Variants in MAP3K7 observed in about 807,000 individuals in gnomAD.
The protein encoded by MAP3K7 is mitogen-activated protein kinase kinase kinase 7.
A neutral mutation model predicts 84.8 loss-of-function variants in MAP3K7; 21 were observed. That is an observed-to-expected ratio of 0.25 (90% CI 0.18 to 0.36). The LOEUF (loss-of-function observed/expected upper bound fraction) is 0.36. Ranked by LOEUF, MAP3K7 falls within the 10% of genes least tolerant of loss-of-function variation. The pLI, the probability that MAP3K7 is intolerant of heterozygous loss-of-function variation, is 1.00. For synonymous variants in MAP3K7, 241 were observed against 247.7 expected (o/e 0.97, Z 0.25); for missense variants, 503 against 747.7 (o/e 0.67, Z 3.82).
chr6:90,523,765 T>C lies in MAP3K7; in HGVS notation c.1375A>G (p.Ser459Gly). The change falls in exon 14 of 17, where the codon AGT becomes GGT. Residue 459 changes from serine to glycine, a missense_variant. By Grantham distance (56) the Ser-to-Gly change is moderately conservative. Coordinates refer to ENST00000369329, the MANE Select transcript of MAP3K7 (RefSeq NM_145331.3). ...EPGQVSSRSS[S>G]PSVRMITTSG... is the part of the protein sequence containing the mutation. ...GTAGTAATCATTCTGACACTGGGAC[T>C]GGATGACCTACTGCTCACCTACAGG... The C allele has an allele frequency of 6.2e-7, 1 of 1,607,298 alleles. No individual in the cohort carries two copies. The highest frequency in any genetic ancestry group is 8.5e-7 in the Non-Finnish European group (1 of 1,174,014).
At chr6:90,541,979 C>T (rs1046541206) in intron 12 of MAP3K7, among the ~76,000 whole-genome samples, 3 of 151,934 alleles carry the variant, frequency 2.0e-5, no homozygotes, top group Non-Finnish European at 4.4e-5. Flanking sequence ...AACTCTTATC[C>T]ATGTAAATAA....
intron 5 of MAP3K7, 56 bp from the exon 6 acceptor site, chr6:90,556,680 C>A: frequency 2.0e-6 from 3 of 1,495,620 alleles, no homozygotes; most frequent in South Asian, 1.3e-5. Context: ...TTTTATTCTA[C>A]AATAAAAGAA....
intron 13 of MAP3K7, among the ~76,000 whole-genome samples, chr6:90,535,631 A>G (rs1335620934): frequency 6.6e-6 from 1 of 152,078 alleles, no homozygotes; most frequent in Non-Finnish European, 1.5e-5. Flanking sequence ...CAGAAAAAAC[A>G]ATGACTGAGC....
chr6:90,531,375 AAC>A (rs1775499577), intron 13 of MAP3K7, among the ~76,000 whole-genome samples: 1 of 152,202 alleles, frequency 6.6e-6, no homozygotes, highest in South Asian at 2.1e-4. Context: ...ACAAGCACAA[AAC>A]ACAGAGATTA....
At position 90,544,472 on chromosome 6, in the gene MAP3K7, A is replaced by G. The variant is rs929679159; in HGVS notation, c.1291+80T>C. The G allele has an allele frequency of 2.4e-6, 3 of 1,242,992 alleles. No individual in the cohort carries two copies. In the Middle Eastern group the frequency reaches 5.6e-4, roughly 233 times the overall value. 77.0% of individuals were successfully genotyped at this position (1,242,992 alleles called of 1,614,324 possible). On this transcript the variant is annotated intron_variant, in intron 12 of 16. Transcript: ENST00000369329. ...CATTTTCATGTCTTGTAAAAATTGGAGCAAGAAGCATTTTACAAGTACCAG... is the reference window on the plus strand; with the variant it reads ...CATTTTCATGTCTTGTAAAAATTGGGGCAAGAAGCATTTTACAAGTACCAG...
In MAP3K7 at chr6:90,542,708, G is replaced by A. The variant is rs146434504; in HGVS notation, c.1291+1844C>T. On this transcript the variant is annotated intron_variant, in intron 12 of 16. Transcript: ENST00000369329. Reference sequence around the variant, plus strand: ...CTGTTAAACAGCTATAATTTCATCCGATAACCTAGTTGTAAGATTGTATAA... The same window carrying A: ...CTGTTAAACAGCTATAATTTCATCCAATAACCTAGTTGTAAGATTGTATAA... 3.3e-5 allele frequency among the ~76,000 whole-genome samples: 5 copies of A among 152,086 alleles called. No homozygotes were observed. The East Asian group carries it at 5.8e-4, about 18-fold the overall frequency.
intron 1 of MAP3K7, among the ~76,000 whole-genome samples, chr6:90,582,866 G>T (rs1309739375): frequency 1.3e-5 from 2 of 150,388 alleles, no homozygotes; most frequent in Admixed American, 1.3e-4. Context: ...GTAATCCTAG[G>T]ATTCTTCTAT....
intron 6 of MAP3K7, among the ~76,000 whole-genome samples, chr6:90,555,445 T>C (rs529245944): frequency 1.3e-5 from 2 of 152,180 alleles, no homozygotes; most frequent in South Asian, 4.2e-4. Flanking sequence ...TTAGTAGAGA[T>C]GGGGTTTCAC....
intron 3 of MAP3K7, among the ~76,000 whole-genome samples, chr6:90,564,222 T>C (rs550470146): frequency 6.6e-6 from 1 of 152,212 alleles, no homozygotes; most frequent in South Asian, 2.1e-4. Flanking sequence ...ATAACAATAT[T>C]CACCTTAAAT....
In MAP3K7 at chr6:90,514,197, A is replaced by T. The variant is rs1299380591; in HGVS notation, c.*2304T>A. ...AATAAATTGTAAAACCAGAACGAAT[A>T]AGTTTGGCTCCTTGTTAACATTTTT... On this transcript the variant is annotated 3_prime_UTR_variant, in exon 17 of 17. Coordinates refer to ENST00000369329, the MANE Select transcript of MAP3K7 (RefSeq NM_145331.3). The T allele has an allele frequency of 1.3e-5, 2 of 152,060 alleles. No individual in the cohort carries two copies. The highest frequency in any genetic ancestry group is 2.9e-5 in the Non-Finnish European group (2 of 67,968). 9.4% of individuals were successfully genotyped at this position (152,060 alleles called of 1,614,324 possible).
intron 1 of MAP3K7, among the ~76,000 whole-genome samples, chr6:90,584,669 G>C (rs895575051): frequency 6.6e-6 from 1 of 152,122 alleles, no homozygotes; most frequent in Non-Finnish European, 1.5e-5. Context: ...AAAAGCTTTA[G>C]AAAGTAGCAT....
At chr6:90,555,331 C>T (rs1449813783) in intron 6 of MAP3K7, among the ~76,000 whole-genome samples, 1 of 152,028 alleles carries the variant, frequency 6.6e-6, no homozygotes, top group Non-Finnish European at 1.5e-5. Flanking sequence ...TCTCGGCTCA[C>T]TGCATGCTCC....
intron 2 of MAP3K7, among the ~76,000 whole-genome samples, chr6:90,570,321 A>C (rs1776858901): frequency 6.6e-6 from 1 of 152,216 alleles, no homozygotes; most frequent in Non-Finnish European, 1.5e-5. Context: ...ATGGAGAAAC[A>C]ACCAGATTTA....
rs1776902441 is a variant in MAP3K7, at chr6:90,571,611, C to A, written c.231+86G>T. ...GTTCATGTATACAAAGAAATGACAT[C>A]TGAGAAACCAATCTTTTTCATAATA... On this transcript the variant is annotated intron_variant, in intron 2 of 16. Transcript: ENST00000369329. 4.1e-6 allele frequency: 3 copies of A among 738,328 alleles called. No individual in the cohort carries two copies. The East Asian group carries it at 9.3e-5, about 23-fold the overall frequency. The allele number at this position is 738,328 out of a possible 1,614,324, so 45.7% of individuals were successfully genotyped here.
intron 2 of MAP3K7, among the ~76,000 whole-genome samples, chr6:90,569,383 C>T (rs1776824234): frequency 6.6e-6 from 1 of 152,200 alleles, no homozygotes; most frequent in Admixed American, 6.5e-5. Flanking sequence ...GCTGGTTTCC[C>T]TCTTTCAGTT....
intron 1 of MAP3K7, among the ~76,000 whole-genome samples, chr6:90,577,594 C>CA (rs1413655958): frequency 9.2e-5 from 14 of 152,166 alleles, no homozygotes; most frequent in African/African-American, 3.4e-4. Flanking sequence ...AAGGAACAGT[C>CA]AATATGGTAG....
chr6:90,569,476 C>CTT (rs1554185745), intron 2 of MAP3K7, among the ~76,000 whole-genome samples: 1,502 of 137,102 alleles, frequency 0.011, 14 homozygotes, highest in Non-Finnish European at 0.015. Context: ...AGATCTCAAA[C>CTT]TTCTTTCTTT....
At chr6:90,550,942 G>A (rs1335189628) in intron 8 of MAP3K7, 1 of 153,782 alleles carries the variant, frequency 6.5e-6, no homozygotes, top group African/African-American at 2.4e-5. Flanking sequence ...TAAATATTAA[G>A]AGGATAGATT....
intron 13 of MAP3K7, among the ~76,000 whole-genome samples, chr6:90,524,648 T>C (rs1325221587): frequency 1.3e-5 from 2 of 152,188 alleles, no homozygotes; most frequent in Non-Finnish European, 2.9e-5. Context: ...ACATAAGTTT[T>C]TCAAGCATGT....
Sources: gnomAD v4.1 joint callset for allele counts (sites outside exome capture counted in the v4.1 genomes callset) on GRCh38, gnomAD v4.1.1 for gene constraint, MANE v1.5 for transcripts, NCBI Gene and HGNC (gene_info 2026-07-23, HGNC 2026-07-21) for gene names.